GPC6: variants seen among roughly 807,000 people sequenced by gnomAD.
GPC6 encodes the protein glypican-6.
A neutral mutation model predicts 55.2 loss-of-function variants in GPC6; 14 were observed. The ratio of observed to expected loss-of-function variants is 0.25; its 90% CI spans 0.17 to 0.40. GPC6 has a LOEUF of 0.40. Ranked by LOEUF, GPC6 falls within the 10% of genes least tolerant of loss-of-function variation. The pLI, the probability that GPC6 is intolerant of heterozygous loss-of-function variation, is 1.00. For missense variants in GPC6, 641 were observed against 708.5 expected (o/e 0.90, Z 1.08); for synonymous variants, 278 against 259.6 (o/e 1.07, Z -0.68).
intron 3 of GPC6, among the ~76,000 whole-genome samples, chr13:93,862,492 A>G (rs2139027879): frequency 6.6e-6 from 1 of 151,726 alleles, no homozygotes; most frequent in East Asian, 2.0e-4. Flanking sequence ...TGGATTACAT[A>G]AAAGGAGGAG....
chr13:93,567,731 T>G (rs529867530), intron 2 of GPC6, among the ~76,000 whole-genome samples: 1 of 152,202 alleles, frequency 6.6e-6, no homozygotes, highest in Non-Finnish European at 1.5e-5. Context: ...GAGATAAACT[T>G]GAAATACCAG....
At chr13:93,663,914 T>C (rs956400803) in intron 2 of GPC6, among the ~76,000 whole-genome samples, 2 of 152,220 alleles carry the variant, frequency 1.3e-5, no homozygotes, top group Non-Finnish European at 2.9e-5. Flanking sequence ...TTTATTATTC[T>C]AAAATTCTAG....
At chr13:94,127,955 A>G (rs899884386) in intron 4 of GPC6, among the ~76,000 whole-genome samples, 10 of 152,192 alleles carry the variant, frequency 6.6e-5, no homozygotes, top group Non-Finnish European at 1.5e-4. Context: ...GGAAAGGCTT[A>G]AGCAAAGGGA....
At position 94,284,875 on chromosome 13, in the gene GPC6, A is replaced by C. The variant is rs576004206; in HGVS notation, c.878-1474A>C. Among the ~76,000 whole-genome samples the C allele has an allele frequency of 3.0e-4, 45 of 151,330 alleles. No homozygotes were observed. The East Asian group carries it at 8.6e-3, about 29-fold the overall frequency. On this transcript the variant is annotated intron_variant, in intron 4 of 8. Coordinates refer to ENST00000377047, the MANE Select transcript of GPC6 (RefSeq NM_005708.5). The stretch of plus-strand genomic sequence containing the variant: ...TTTTATTGTGGATAATAAAAAAAAA[A>C]AAACACATAACATGAAATCTACCCT...
intron 3 of GPC6, among the ~76,000 whole-genome samples, chr13:94,001,465 T>G (rs1478678766): frequency 3.3e-5 from 5 of 152,148 alleles, no homozygotes; most frequent in Admixed American, 3.3e-4. Context: ...TTGTTAAAAA[T>G]TAATCTAATG....
At chr13:94,176,122 C>T (rs1888758980) in intron 4 of GPC6, among the ~76,000 whole-genome samples, 1 of 151,934 alleles carries the variant, frequency 6.6e-6, no homozygotes, top group Admixed American at 6.6e-5. Context: ...CGTATCTCCT[C>T]CCAGTTAATA....
At chr13:94,296,540 T>G (rs1875343583) in intron 5 of GPC6, among the ~76,000 whole-genome samples, 1 of 152,248 alleles carries the variant, frequency 6.6e-6, no homozygotes, top group South Asian at 2.1e-4. Flanking sequence ...AGAAATTTCA[T>G]GGCCTCTGCC....
chr13:93,435,826 A>G (rs1182335319), intron 1 of GPC6, among the ~76,000 whole-genome samples: 1 of 152,186 alleles, frequency 6.6e-6, no homozygotes, highest in Non-Finnish European at 1.5e-5. Flanking sequence ...TCATTCTTGG[A>G]TGAGCAGATT....
intron 2 of GPC6, among the ~76,000 whole-genome samples, chr13:93,784,339 A>G (rs1388792627): frequency 6.6e-6 from 1 of 152,174 alleles, no homozygotes; most frequent in African/African-American, 2.4e-5. Context: ...ACCTGCACAG[A>G]TTTACTGGCA....
At chr13:94,136,600 C>T (rs779891121) in intron 4 of GPC6, among the ~76,000 whole-genome samples, 2 of 152,086 alleles carry the variant, frequency 1.3e-5, no homozygotes, top group Admixed American at 6.5e-5. Flanking sequence ...GTCCCAGCCA[C>T]TCGGGAGGCT....
intron 4 of GPC6, among the ~76,000 whole-genome samples, chr13:94,231,476 T>G (rs749837586): frequency 6.6e-6 from 1 of 152,230 alleles, no homozygotes; most frequent in Non-Finnish European, 1.5e-5. Flanking sequence ...ATTTTTATTT[T>G]CTGATTAATT....
intron 6 of GPC6, among the ~76,000 whole-genome samples, chr13:94,370,504 C>T (rs530697661): frequency 1.3e-4 from 20 of 152,212 alleles, no homozygotes; most frequent in African/African-American, 1.4e-4. Context: ...ATAAAAGGCA[C>T]GTTAGAAGTG....
intron 4 of GPC6, among the ~76,000 whole-genome samples, chr13:94,091,993 A>G (rs1051874679): frequency 1.3e-5 from 2 of 151,356 alleles, no homozygotes; most frequent in African/African-American, 4.9e-5. Flanking sequence ...GATATAATTG[A>G]AAAAAATTAT....
chr13:93,706,678 T>A (rs144272633), intron 2 of GPC6, among the ~76,000 whole-genome samples: 46 of 152,006 alleles, frequency 3.0e-4, no homozygotes, highest in African/African-American at 1.1e-3. Flanking sequence ...TTACTAAATT[T>A]AAAGAACCCA....
intron 4 of GPC6, among the ~76,000 whole-genome samples, chr13:94,245,424 G>A (rs985005133): frequency 1.3e-5 from 2 of 151,700 alleles, no homozygotes; most frequent in African/African-American, 4.8e-5. Context: ...TTAAAAGCTA[G>A]CCAGGTAAGG....
intron 2 of GPC6, among the ~76,000 whole-genome samples, chr13:93,686,041 G>T (rs536531259): frequency 7.7e-4 from 117 of 152,150 alleles, no homozygotes; most frequent in African/African-American, 2.7e-3. Flanking sequence ...ATGTGCCTTT[G>T]TCCCAGAAGT....
chr13:94,280,271 A>T (rs4773784), intron 4 of GPC6, among the ~76,000 whole-genome samples: 22,003 of 151,994 alleles, frequency 0.14, 1,704 homozygotes, highest in East Asian at 0.3. Context: ...GATAATTTTT[A>T]AAATCAGAAA....
Position 93,790,650 on chromosome 13 carries a change from T to C in GPC6, c.320-39504T>C, listed in dbSNP as rs1023508493. On this transcript the variant is annotated intron_variant, in intron 2 of 8. Coordinates refer to ENST00000377047, the MANE Select transcript of GPC6 (RefSeq NM_005708.5). ...AATAAAATTTACCATAGGCCTAATG[T>C]ATCCTCAAGATACTATTCTGGGAAA... Among the ~76,000 whole-genome samples the C allele has an allele frequency of 3.9e-5, 6 of 152,330 alleles. No individual in the cohort carries two copies. In the East Asian group the frequency reaches 9.7e-4, roughly 25 times the overall value.
chr13:93,761,794 A>G (rs1338816016), intron 2 of GPC6, among the ~76,000 whole-genome samples: 2 of 152,202 alleles, frequency 1.3e-5, no homozygotes, highest in Admixed American at 1.3e-4. Context: ...TTTTCAATAT[A>G]TGTATGTACT....
Sources: allele counts gnomAD v4.1 joint callset (sites outside exome capture counted in the v4.1 genomes callset), GRCh38; gene constraint gnomAD v4.1.1; transcripts MANE v1.5; gene names NCBI Gene and HGNC (gene_info 2026-07-23, HGNC 2026-07-21).